Variants in LHX4 observed in about 807,000 individuals in gnomAD.
LHX4 encodes LIM homeobox 4.
Under a neutral mutation model 39.2 loss-of-function variants are expected in LHX4, and 16 were observed. The observed-to-expected ratio is 0.41, with a 90% CI of 0.28 to 0.62. The LOEUF (loss-of-function observed/expected upper bound fraction) is 0.62. Ranked by LOEUF, LHX4 falls within the 20% of genes least tolerant of loss-of-function variation. LHX4 has a pLI of 0.33. For missense variants in LHX4, 439 were observed against 511.9 expected (o/e 0.86, Z 1.37); for synonymous variants, 206 against 198.1 (o/e 1.04, Z -0.33).
rs771836205 is a variant in LHX4 at position 180,266,537 on chromosome 1, C to T, written c.394C>T (p.Leu132Phe). ...RQLATGDEFY[L>F]MEDGRLVCKE... ...GCTGGCCACGGGGGACGAATTCTACCTCATGGAGGACGGGCGGCTGGTGTG... is the reference window on the plus strand; with the variant it reads ...GCTGGCCACGGGGGACGAATTCTACTTCATGGAGGACGGGCGGCTGGTGTG... The change falls in exon 3 of 6, where the codon CTC becomes TTC. Residue 132 changes from leucine (L) to phenylalanine (F), a missense_variant. Leu to Phe is a conservative substitution (Grantham distance 22, BLOSUM62 0). Coordinates refer to ENST00000263726, the MANE Select transcript of LHX4 (RefSeq NM_033343.4). This position sits in a 1 kb window ranked among gnomAD's most constrained non-coding sequence, Gnocchi z 5.7. The T allele has an allele frequency of 6.2e-7, 1 of 1,614,190 alleles. No homozygotes were observed. The highest frequency in any genetic ancestry group is 1.7e-5 in the Admixed American group (1 of 60,022).
At chr1:180,233,657 A>G (rs970655214) in intron 1 of LHX4, among the ~76,000 whole-genome samples, 1 of 151,968 alleles carries the variant, frequency 6.6e-6, no homozygotes, top group African/African-American at 2.4e-5. Flanking sequence ...CTCGGTTTTG[A>G]CCCATCTGCC....
At chr1:180,271,123 GCA>G (rs1344383800) in intron 3 of LHX4, 1 of 552,092 alleles carries the variant, frequency 1.8e-6, no homozygotes, top group Non-Finnish European at 3.3e-6. Context: ...AGCTGGGCTG[GCA>G]GGGGAGGGTT....
chr1:180,250,702 C>G (rs148358833), intron 2 of LHX4, among the ~76,000 whole-genome samples: 13 of 152,290 alleles, frequency 8.5e-5, no homozygotes, highest in South Asian at 2.1e-4. Flanking sequence ...TTGGACCCCC[C>G]AGTGCTTCCT....
At chr1:180,237,040 C>A (rs1235891562) in intron 1 of LHX4, among the ~76,000 whole-genome samples, 1 of 152,192 alleles carries the variant, frequency 6.6e-6, no homozygotes, top group African/African-American at 2.4e-5. Flanking sequence ...GGGTCCACTG[C>A]TTTTAGTAAA....
chr1:180,235,155 G>A (rs1404538016), intron 1 of LHX4, among the ~76,000 whole-genome samples: 1 of 152,270 alleles, frequency 6.6e-6, no homozygotes. Context: ...AAGGGGACAA[G>A]GGAGGGACCG....
intron 2 of LHX4, among the ~76,000 whole-genome samples, chr1:180,259,575 C>T (rs1372036396): frequency 2.0e-5 from 3 of 151,440 alleles, no homozygotes. Flanking sequence ...GCAGCTGAGC[C>T]TGGGGCTCAG....
At chr1:180,268,481 G>A (rs1215124626) in intron 3 of LHX4, among the ~76,000 whole-genome samples, 2 of 152,218 alleles carry the variant, frequency 1.3e-5, no homozygotes, top group South Asian at 2.1e-4. Flanking sequence ...GGAAGATGCC[G>A]GACTTGCTGT....
In LHX4 at chr1:180,276,885, A is replaced by T. The variant is rs1649069492; in HGVS notation, c.*2306A>T. The T allele has an allele frequency of 7.5e-6, 1 of 132,972 alleles. No homozygotes were observed. Among genetic ancestry groups the T allele is most frequent in the South Asian group, 2.5e-4 (1 of 4,062 alleles). 8.2% of individuals were successfully genotyped at this position (132,972 alleles called of 1,614,324 possible). A position where few individuals can be genotyped will look rare whatever the true frequency, so the allele number is the denominator to read the frequency against. On this transcript the variant is annotated 3_prime_UTR_variant, in exon 6 of 6. Coordinates refer to ENST00000263726, the MANE Select transcript of LHX4 (RefSeq NM_033343.4). ...AGCACTGTTTAAGATCACTGTAAGT[A>T]AGTTGACCAGTTTTTGTAAGTTAAT...
intron 1 of LHX4, among the ~76,000 whole-genome samples, chr1:180,247,497 C>A (rs1647436926): frequency 6.6e-6 from 1 of 152,214 alleles, no homozygotes; most frequent in African/African-American, 2.4e-5. Flanking sequence ...CCGTGACGCA[C>A]ACCAGCACAA....
intron 2 of LHX4, among the ~76,000 whole-genome samples, chr1:180,250,425 G>C (rs1647577709): frequency 1.3e-5 from 2 of 152,176 alleles, no homozygotes; most frequent in Admixed American, 6.5e-5. Flanking sequence ...GAAGCGGCAG[G>C]TGGCAGGGCC....
intron 2 of LHX4, among the ~76,000 whole-genome samples, chr1:180,262,707 G>A (rs1169835478): frequency 1.3e-5 from 2 of 149,056 alleles, no homozygotes; most frequent in East Asian, 2.0e-4. Flanking sequence ...GAAAAGAAAA[G>A]AGCTGCCATT....
chr1:180,252,686 G>A (rs761945487), intron 2 of LHX4, among the ~76,000 whole-genome samples: 4 of 152,134 alleles, frequency 2.6e-5, no homozygotes, highest in African/African-American at 4.8e-5. Flanking sequence ...AGATCAATAC[G>A]GAGATACGGA....
intron 1 of LHX4, among the ~76,000 whole-genome samples, chr1:180,237,558 T>C (rs1664354080): frequency 7.2e-6 from 1 of 139,598 alleles, no homozygotes; most frequent in Non-Finnish European, 1.7e-5. Flanking sequence ...TGGGGTTAAC[T>C]GTATGAGCGG....
chr1:180,231,333 G>A (rs944504499), intron 1 of LHX4, among the ~76,000 whole-genome samples: 1 of 152,062 alleles, frequency 6.6e-6, no homozygotes, highest in East Asian at 1.9e-4. Flanking sequence ...AGAGACGGGG[G>A]TGTGTGGGAG....
intron 1 of LHX4, among the ~76,000 whole-genome samples, chr1:180,238,433 A>G (rs977374086): frequency 7.2e-5 from 11 of 152,238 alleles, no homozygotes; most frequent in African/African-American, 2.4e-5. Context: ...AATTAGATAA[A>G]AAGACGTGAG....
At chr1:180,255,345 TGCACACAC>T (rs1647806472) in intron 2 of LHX4, among the ~76,000 whole-genome samples, 1 of 152,160 alleles carries the variant, frequency 6.6e-6, no homozygotes, top group African/African-American at 2.4e-5. Flanking sequence ...CATGCACACA[TGCACACAC>T]ATGTATACAC....
intron 2 of LHX4, among the ~76,000 whole-genome samples, chr1:180,256,842 G>T (rs1322391278): frequency 1.3e-5 from 2 of 152,224 alleles, no homozygotes; most frequent in Non-Finnish European, 1.5e-5. Flanking sequence ...GGCAGATGAG[G>T]TGCTGCGGGA....
intron 5 of LHX4, chr1:180,273,392 T>C (rs1324365301): frequency 6.6e-6 from 1 of 152,312 alleles, no homozygotes; most frequent in African/African-American, 2.4e-5. Flanking sequence ...GCTGTTGAAG[T>C]CAACACCTAG....
At chr1:180,268,909 C>T (rs1239054698) in intron 3 of LHX4, among the ~76,000 whole-genome samples, 1 of 152,114 alleles carries the variant, frequency 6.6e-6, no homozygotes, top group Non-Finnish European at 1.5e-5. Flanking sequence ...TACTCTCAGC[C>T]CTCCTGCAGG....
Sources: allele counts gnomAD v4.1 joint callset (sites outside exome capture counted in the v4.1 genomes callset), GRCh38; gene constraint gnomAD v4.1.1; non-coding constraint Gnocchi (gnomAD v3.1); transcripts MANE v1.5; gene names NCBI Gene and HGNC (gene_info 2026-07-23, HGNC 2026-07-21).